MYO7B: variants seen among roughly 807,000 people sequenced by gnomAD.
MYO7B encodes the protein myosin VIIB.
MYO7B carries 212 observed loss-of-function variants against 259.7 expected under a neutral mutation model. That is an observed-to-expected ratio of 0.82 (90% CI 0.73 to 0.91). MYO7B has a LOEUF of 0.91. MYO7B is among the 40% of genes least tolerant of loss of function. The pLI, the probability that MYO7B is intolerant of heterozygous loss-of-function variation, is 0.00. For missense variants in MYO7B, 2,732 were observed against 2,813.5 expected, an observed-to-expected ratio of 0.97 and a Z score of 0.66; for synonymous variants, 1,197 against 1,166.4, an observed-to-expected ratio of 1.03 and a Z score of -0.54.
intron 6 of MYO7B, among the ~76,000 whole-genome samples, chr2:127,571,191 T>A (rs1678589545): frequency 6.6e-6 from 1 of 152,144 alleles, no homozygotes; most frequent in Admixed American, 6.5e-5. Context: ...AGCATTTTGC[T>A]TTCCCACCAG....
At chr2:127,637,192 C>T (rs777565801) in intron 47 of MYO7B, 124 bp from the exon 48 acceptor site, 3 of 905,310 alleles carry the variant, frequency 3.3e-6, no homozygotes, top group Non-Finnish European at 5.4e-6. Flanking sequence ...ATGGCAGGAG[C>T]CCGCCTTCCC....
intron 35 of MYO7B, 90 bp from the exon 36 acceptor site, chr2:127,630,683 CCCAAG>C: frequency 4.5e-6 from 7 of 1,560,116 alleles, no homozygotes; most frequent in Non-Finnish European, 6.1e-6. Context: ...CCTGACCCCT[CCCAAG>C]TCACTGAGGC....
rs898606427 is a variant in MYO7B at position 127,596,493 on chromosome 2, G to T, written c.2276G>T (p.Arg759Ile). The T allele has an allele frequency of 4.3e-6, 7 of 1,613,756 alleles. No individual in the cohort carries two copies. The highest frequency in any genetic ancestry group is 5.9e-6 in the Non-Finnish European group (7 of 1,179,808). Reference sequence around the variant, plus strand: ...CAGGACACTCTGCTGGAGGTACAGAGAAGCCAGGTGCTAGACAGAGCGGCG... The same window carrying T: ...CAGGACACTCTGCTGGAGGTACAGATAAGCCAGGTGCTAGACAGAGCGGCG... Reference protein sequence around the residue: ...DHQDTLLEVQRSQVLDRAALS... With the variant: ...DHQDTLLEVQISQVLDRAALS... Residue 759 changes from arginine to isoleucine, a missense_variant, in exon 19 of 48, where the codon AGA becomes ATA. Arg to Ile is a moderately conservative substitution (Grantham distance 97). Around this residue, in one of 3 missense-constraint regions of MYO7B, gnomAD observed 1,906 missense variants for 2,026.4 expected, o/e 0.94. Transcript: ENST00000409816.
chr2:127,582,261 G>A (rs756390033), intron 11 of MYO7B, 43 bp from the exon 12 acceptor site: 9 of 1,606,106 alleles, frequency 5.6e-6, no homozygotes, highest in East Asian at 2.2e-5. Flanking sequence ...ACCTCCGCCT[G>A]AGCCTCCAAG....
In MYO7B at chr2:127,589,139, G is replaced by A. The variant is rs186862929; in HGVS notation, c.1854+584G>A. ...AGTGGGTGAATGGATAGATGGATGG[G>A]TGGGTGGCTGTGTGGATGGGTGAGT... On this transcript the variant is annotated intron_variant, in intron 15 of 47. Coordinates refer to ENST00000409816, the MANE Select transcript of MYO7B (RefSeq NM_001393586.1). Among the ~76,000 whole-genome samples, 953 of 146,624 alleles carry A rather than the reference G, an allele frequency of 6.5e-3. 13 individuals are homozygous for A. The highest frequency in any genetic ancestry group is 0.023 in the African/African-American group (914 of 39,638).
In MYO7B at chr2:127,635,215, C is replaced by T. The variant is rs542937378; in HGVS notation, c.5809C>T (p.His1937Tyr). ...GGATGTGAATGCAGACACCATACTCCATTACCACCAGGTACCGGGCAGGCT... is the reference window on the plus strand; with the variant it reads ...GGATGTGAATGCAGACACCATACTCTATTACCACCAGGTACCGGGCAGGCT... ...GKDVNADTIL[H>Y]YHQELPKYLR... Residue 1937 changes from histidine (H) to tyrosine (Y), a missense_variant, in exon 43 of 48, where the codon CAT (histidine) becomes TAT (tyrosine). By Grantham distance (83) the His-to-Tyr change is moderately conservative. Transcript: ENST00000409816. 8.4e-5 allele frequency: 136 copies of T among 1,613,028 alleles called. No homozygotes were observed. The highest frequency in any genetic ancestry group is 1.0e-4 in the Non-Finnish European group (123 of 1,179,536).
chr2:127,621,793 C>T (rs1680850885), intron 27 of MYO7B, among the ~76,000 whole-genome samples, 189 bp from the exon 28 acceptor site: 1 of 152,200 alleles, frequency 6.6e-6, no homozygotes, highest in African/African-American at 2.4e-5. Context: ...GACTATGCAC[C>T]GTTTAAAACG....
intron 40 of MYO7B, among the ~76,000 whole-genome samples, chr2:127,633,653 A>T (rs773633496): frequency 1.4e-4 from 21 of 152,102 alleles, no homozygotes; most frequent in Non-Finnish European, 2.8e-4. Context: ...GGGGGCCCCT[A>T]GGGGCTTCTG....
rs1161644576 is a variant in MYO7B at position 127,636,278 on chromosome 2, G to A, written c.6077G>A (p.Trp2026Ter). 6.2e-7 allele frequency: 1 copy of A among 1,613,504 alleles called. No individual in the cohort carries two copies. Among genetic ancestry groups the A allele is most frequent in the Non-Finnish European group, 8.5e-7 (1 of 1,179,846 alleles). Residue 2026 changes from tryptophan to a stop codon, truncating the protein, a stop_gained, in exon 45 of 48, where the codon TGG (tryptophan) becomes TAG (stop). Transcript: ENST00000409816. LOFTEE classifies it high-confidence loss of function. The surrounding 1 kb of genome is among the most constrained non-coding windows in gnomAD (Gnocchi z 4.5). ...VEEAKVAFLK[W>*]ICRWPTFGSA... ...GAGGCCAAGGTGGCCTTCCTGAAGT[G>A]GATCTGCCGGTGGCCCACCTTCGGA...
chr2:127,596,979 G>A lies in MYO7B; in HGVS notation c.2339+423G>A, dbSNP rs10187468. ...AATCCAGGATCAGTGGATCAGCAGC[G>A]CTGCTGCCTTGCCCCACCCTCACCT... On this transcript the variant is annotated intron_variant, in intron 19 of 47. Coordinates refer to ENST00000409816, the MANE Select transcript of MYO7B (RefSeq NM_001393586.1). Among the ~76,000 whole-genome samples the A allele has an allele frequency of 1.4e-3, 207 of 152,348 alleles. 1 individual carries two copies. The highest frequency in any genetic ancestry group is 4.3e-3 in the African/African-American group (180 of 41,586).
intron 15 of MYO7B, among the ~76,000 whole-genome samples, chr2:127,589,086 G>T (rs111067410): frequency 6.7e-6 from 1 of 149,078 alleles, no homozygotes; most frequent in African/African-American, 2.5e-5. Flanking sequence ...TGGGTGAATG[G>T]GTGTGTCGAT....
chr2:127,619,966 G>A (rs1680763094), intron 26 of MYO7B: 1 of 159,312 alleles, frequency 6.3e-6, no homozygotes, highest in African/African-American at 2.4e-5. Flanking sequence ...GAGGGAGGTG[G>A]GGCCTCAAGG....
At position 127,584,841 on chromosome 2, in the gene MYO7B, CA is replaced by C; in HGVS notation, c.1619del (p.Gln540ArgfsTer34). Reference sequence around the variant, plus strand: ...CCATGCCAACAACAAGGCCTTCCTACAGCCCAAGAACATCCACGATGCCAGA... The same window carrying C: ...CCATGCCAACAACAAGGCCTTCCTACGCCCAAGAACATCCACGATGCCAGA... ...SVHANNKAFLQPKNIHDARFG... is the reference protein window; with the variant it reads ...SVHANNKAFLXPKNIHDARFG... On this transcript the variant is annotated frameshift_variant, in exon 14 of 48. Transcript: ENST00000409816. LOFTEE classifies it high-confidence loss of function. The surrounding 1 kb of genome is among the most constrained non-coding windows in gnomAD (Gnocchi z 5.8). 1.9e-6 allele frequency: 3 copies of C among 1,613,998 alleles called. No homozygotes were observed. The highest frequency in any genetic ancestry group is 8.5e-7 in the Non-Finnish European group (1 of 1,179,906).
Position 127,588,749 on chromosome 2 carries a change from T to C in MYO7B, c.1854+194T>C, listed in dbSNP as rs1211547701. ...GATGGGTGAGTGGGTGGATGGGTAG[T>C]GGGTGGGTGGATGGGTGAGTGGATG... On this transcript the variant is annotated intron_variant, in intron 15 of 47. Coordinates refer to ENST00000409816, the MANE Select transcript of MYO7B (RefSeq NM_001393586.1). Among the ~76,000 whole-genome samples, 3 of 69,878 alleles carry C rather than the reference T, an allele frequency of 4.3e-5. No homozygotes were observed. The Admixed American group carries it at 5.6e-4, about 13-fold the overall frequency. The allele number at this position is 69,878 out of a possible 152,430, so 45.8% of individuals were successfully genotyped here.
Position 127,570,744 on chromosome 2 carries a change from G to A in MYO7B, c.592+834G>A, listed in dbSNP as rs188112387. On this transcript the variant is annotated intron_variant, in intron 6 of 47. Transcript: ENST00000409816. ...CCCAGATCTTCTCTCACACCCCTTC[G>A]TAGTCACCCTGTCTTCCCAACCCCT... is the stretch of plus-strand genomic sequence containing the variant. Among the ~76,000 whole-genome samples the A allele has an allele frequency of 1.1e-3, 164 of 150,576 alleles. 1 individual carries two copies. The highest frequency in any genetic ancestry group is 3.0e-3 in the Admixed American group (45 of 15,080).
In MYO7B at chr2:127,612,528, G is replaced by A; in HGVS notation, c.3323G>A (p.Gly1108Asp). 1 of 1,580,610 alleles carries A rather than the reference G, an allele frequency of 6.3e-7. No homozygotes were observed. Among genetic ancestry groups the A allele is most frequent in the Non-Finnish European group, 8.6e-7 (1 of 1,163,374 alleles). ...GAGGCATTGGAGCCTGATGGCCTTG[G>A]TGCAGACCGGCCCATGTCCAACCTG... The part of the protein sequence containing the change: ...GEEALEPDGL[G>D]ADRPMSNLEK... The change falls in exon 26 of 48, where the codon GGT (glycine) becomes GAT (aspartate). Residue 1108 changes from glycine to aspartate, a missense_variant. This residue lies in a region of MYO7B where 1,906 missense variants were observed against 2,026.4 expected (regional missense o/e 0.94). Coordinates refer to ENST00000409816, the MANE Select transcript of MYO7B (RefSeq NM_001393586.1).
chr2:127,600,072 C>T (rs777437), intron 19 of MYO7B, among the ~76,000 whole-genome samples: 92,286 of 152,008 alleles, frequency 0.61, 29,812 homozygotes, highest in African/African-American at 0.82. Context: ...GTAGAATTGA[C>T]GTGAATTTTT....
At chr2:127,579,135 C>T (rs1207197871) in intron 9 of MYO7B, among the ~76,000 whole-genome samples, 3 of 151,920 alleles carry the variant, frequency 2.0e-5, no homozygotes, top group East Asian at 1.9e-4. Flanking sequence ...AGAGGAATGG[C>T]GGGAGATGTC....
chr2:127,559,197 G>A lies in MYO7B; in HGVS notation c.-23-503G>A, dbSNP rs1332877566. ...ACCACCAGGTGCTAAGGACAGGTTT[G>A]AAAGGAGGCAGATCCGGGTTTGATT... is the stretch of plus-strand genomic sequence containing the variant. On this transcript the variant is annotated intron_variant, in intron 1 of 47. Transcript: ENST00000409816. This position sits in a 1 kb window ranked among gnomAD's most constrained non-coding sequence, Gnocchi z 4.1. Among the ~76,000 whole-genome samples the A allele has an allele frequency of 6.6e-6, 1 of 152,246 alleles. No homozygotes were observed. The highest frequency in any genetic ancestry group is 1.5e-5 in the Non-Finnish European group (1 of 68,042).
Sources: allele counts gnomAD v4.1 joint callset (sites outside exome capture counted in the v4.1 genomes callset), GRCh38; gene constraint gnomAD v4.1.1; regional missense constraint gnomAD v4.1.1; non-coding constraint Gnocchi (gnomAD v3.1); transcripts MANE v1.5; gene names NCBI Gene and HGNC (gene_info 2026-07-23, HGNC 2026-07-21).